Variants in PRDM5 observed in about 807,000 individuals in gnomAD.
PRDM5 encodes the protein PR domain zinc finger protein 5.
Under a neutral mutation model 81.2 loss-of-function variants are expected in PRDM5, and 56 were observed. That is an observed-to-expected ratio of 0.69 (90% CI 0.56 to 0.86). The LOEUF (loss-of-function observed/expected upper bound fraction) is 0.86. PRDM5 is among the 40% of genes least tolerant of loss of function. The pLI, the probability that PRDM5 is intolerant of heterozygous loss-of-function variation, is 0.00. For missense variants in PRDM5, 697 were observed against 770.1 expected (o/e 0.91, Z 1.12); for synonymous variants, 267 against 256.4 (o/e 1.04, Z -0.39).
intron 2 of PRDM5, among the ~76,000 whole-genome samples, chr4:120,867,299 T>C (rs1277581943): frequency 3.3e-5 from 5 of 152,176 alleles, no homozygotes; most frequent in Admixed American, 6.5e-5. Flanking sequence ...TTAAATGATC[T>C]TCATAAATTT....
chr4:120,729,542 C>CCCTG (rs1480813879), intron 14 of PRDM5, among the ~76,000 whole-genome samples: 1 of 152,040 alleles, frequency 6.6e-6, no homozygotes, highest in African/African-American at 2.4e-5. Flanking sequence ...AGACGTATCT[C>CCCTG]CCTGAAAAAT....
chr4:120,838,232 C>A (rs1033202831), intron 3 of PRDM5: 18 of 152,294 alleles, frequency 1.2e-4, no homozygotes, highest in Middle Eastern at 3.4e-3. Flanking sequence ...TGCTAGTAAT[C>A]TTCCTTTTTC....
At chr4:120,776,924 T>C (rs1373680987) in intron 13 of PRDM5, among the ~76,000 whole-genome samples, 2 of 152,302 alleles carry the variant, frequency 1.3e-5, no homozygotes, top group Middle Eastern at 3.4e-3. Context: ...ATTAGAATCA[T>C]ATAGATGTTA....
intron 1 of PRDM5, among the ~76,000 whole-genome samples, chr4:120,915,475 A>AAG (rs5861495): frequency 0.94 from 141,671 of 151,512 alleles, 65,955 homozygotes; most frequent in South Asian, 0.96. Context: ...TGGGAGAACA[A>AAG]AGAGACTTCC....
chr4:120,753,595 T>C (rs1744304376), intron 14 of PRDM5, among the ~76,000 whole-genome samples: 1 of 152,136 alleles, frequency 6.6e-6, no homozygotes, highest in Non-Finnish European at 1.5e-5. Context: ...ATATTATTAT[T>C]ATGTGTTTTC....
intron 2 of PRDM5, among the ~76,000 whole-genome samples, chr4:120,906,477 G>A (rs998230556): frequency 6.6e-6 from 1 of 152,136 alleles, no homozygotes; most frequent in Non-Finnish European, 1.5e-5. Context: ...ATGAATCCCT[G>A]TCATTAAGTA....
intron 2 of PRDM5, among the ~76,000 whole-genome samples, chr4:120,890,835 T>C (rs1763967310): frequency 3.3e-5 from 5 of 152,340 alleles, no homozygotes; most frequent in Admixed American, 2.0e-4. Flanking sequence ...TTTTTGCTTG[T>C]TAATTTGTTT....
chr4:120,814,359 T>A (rs1364286409), intron 7 of PRDM5, among the ~76,000 whole-genome samples: 4 of 152,208 alleles, frequency 2.6e-5, no homozygotes. Context: ...CTTTCAGATT[T>A]AAACTTTCAA....
chr4:120,862,163 T>C (rs1336745474), intron 2 of PRDM5, among the ~76,000 whole-genome samples: 1 of 152,232 alleles, frequency 6.6e-6, no homozygotes, highest in Admixed American at 6.5e-5. Flanking sequence ...GCAATCATAG[T>C]TCTGTGCTGA....
chr4:120,858,585 A>G (rs914216387), intron 2 of PRDM5, among the ~76,000 whole-genome samples: 5 of 148,194 alleles, frequency 3.4e-5, no homozygotes, highest in African/African-American at 9.7e-5. Flanking sequence ...GTGCGCGCGC[A>G]CGCACGCACA....
Position 120,832,967 on chromosome 4 carries a change from T to C in PRDM5, c.301-11622A>G, listed in dbSNP as rs190814727. Among the ~76,000 whole-genome samples the C allele has an allele frequency of 2.9e-3, 444 of 152,230 alleles. 1 individual carries two copies. Among genetic ancestry groups the C allele is most frequent in the South Asian group, 5.6e-3 (27 of 4,824 alleles). ...AGAAACATATTAGATAGCTGAAAGT[T>C]TATTCAATACATTTACTACAGTATA... On this transcript the variant is annotated intron_variant, in intron 3 of 15. Transcript: ENST00000264808.
chr4:120,866,784 C>T (rs1339091308), intron 2 of PRDM5, among the ~76,000 whole-genome samples: 1 of 152,146 alleles, frequency 6.6e-6, no homozygotes, highest in East Asian at 1.9e-4. Context: ...CTTCCCATAA[C>T]TCACACCTTT....
chr4:120,867,029 G>A (rs1041839443), intron 2 of PRDM5, among the ~76,000 whole-genome samples: 26 of 152,216 alleles, frequency 1.7e-4, no homozygotes, highest in Admixed American at 9.2e-4. Context: ...GGGGCCATTC[G>A]CAGACCTAGG....
At chr4:120,817,804 C>T (rs1174366849) in intron 5 of PRDM5, among the ~76,000 whole-genome samples, 1 of 152,046 alleles carries the variant, frequency 6.6e-6, no homozygotes. Context: ...AAAAAGGGTA[C>T]AGAGCTATGT....
At position 120,695,211 on chromosome 4, in the gene PRDM5, T is replaced by C. The variant is rs1306216582; in HGVS notation, c.1793A>G (p.Asn598Ser). The C allele has an allele frequency of 2.5e-6, 4 of 1,613,646 alleles. No individual in the cohort carries two copies. The highest frequency in any genetic ancestry group is 1.3e-5 in the African/African-American group (1 of 75,026). Residue 598 changes from asparagine to serine, a missense_variant, in exon 16 of 16, where the codon AAT becomes AGT. Physicochemically the swap from Asn to Ser is conservative, Grantham distance 46. Around this residue, in one of 3 missense-constraint regions of PRDM5, gnomAD observed 86 missense variants for 135.2 expected, o/e 0.64. Coordinates refer to ENST00000264808, the MANE Select transcript of PRDM5 (RefSeq NM_018699.4). ...LIRHKMTHNP[N>S]RPLAECQFCH... is the part of the protein sequence containing the mutation. ...AAACTGGCATTCTGCCAGGGGACGA[T>C]TGGGATTATGAGTCATCTTGTGTCG...
intron 14 of PRDM5, among the ~76,000 whole-genome samples, chr4:120,742,402 A>G (rs1179798314): frequency 1.3e-5 from 2 of 152,244 alleles, no homozygotes; most frequent in Non-Finnish European, 2.9e-5. Context: ...GCAGCTCCTC[A>G]CCAGCAATGG....
rs189460599 is a variant in PRDM5, at chr4:120,801,168, C to T, written c.946-1423G>A. Among the ~76,000 whole-genome samples the T allele has an allele frequency of 3.8e-3, 584 of 152,266 alleles. 3 individuals carry two copies. Among genetic ancestry groups the T allele is most frequent in the African/African-American group, 0.013 (528 of 41,558 alleles). On this transcript the variant is annotated intron_variant, in intron 8 of 15. Transcript: ENST00000264808. ...TAAAGGTCCAGCTCACAATACTAAACCCCAGAGAAGTAAACGCCCTTGTGC... is the reference window on the plus strand; with the variant it reads ...TAAAGGTCCAGCTCACAATACTAAATCCCAGAGAAGTAAACGCCCTTGTGC...
chr4:120,703,224 C>T (rs566075094), intron 15 of PRDM5, among the ~76,000 whole-genome samples: 2 of 152,198 alleles, frequency 1.3e-5, no homozygotes, highest in South Asian at 4.2e-4. Flanking sequence ...GTCTCTCTGT[C>T]ACCCAGGCTG....
rs567384426 is a variant in PRDM5, at chr4:120,901,135, T to C, written c.177+6339A>G. ...GGGGTACAAGTGGTTTTTGGTTACA[T>C]GGATGAATTCTACAGTGGTGACTTC... On this transcript the variant is annotated intron_variant, in intron 2 of 15. Transcript: ENST00000264808. Among the ~76,000 whole-genome samples, 4 of 152,302 alleles carry C rather than the reference T, an allele frequency of 2.6e-5. No individual in the cohort carries two copies. In the East Asian group the frequency reaches 5.8e-4, roughly 22 times the overall value.
Sources: allele counts gnomAD v4.1 joint callset (sites outside exome capture counted in the v4.1 genomes callset), GRCh38; gene constraint gnomAD v4.1.1; regional missense constraint gnomAD v4.1.1; transcripts MANE v1.5; gene names NCBI Gene and HGNC (gene_info 2026-07-23, HGNC 2026-07-21).